Variants in LRP1B observed in about 807,000 individuals in gnomAD.
LRP1B encodes LDL receptor related protein 1B.
A neutral mutation model predicts 556.6 loss-of-function variants in LRP1B; 217 were observed. The ratio of observed to expected loss-of-function variants is 0.39; its 90% CI spans 0.35 to 0.44. LRP1B has a LOEUF of 0.44. Ranked by LOEUF, LRP1B falls within the 20% of genes least tolerant of loss-of-function variation. The pLI, the probability that LRP1B is intolerant of heterozygous loss-of-function variation, is 1.00. For missense variants in LRP1B, 5,053 were observed against 5,620.8 expected (o/e 0.90, Z 3.23); for synonymous variants, 2,047 against 1,865.8 (o/e 1.10, Z -2.50).
chr2:140,826,566 T>G (rs531688761), intron 31 of LRP1B, among the ~76,000 whole-genome samples: 1 of 152,098 alleles, frequency 6.6e-6, no homozygotes, highest in East Asian at 1.9e-4. Context: ...CATAGAGAAG[T>G]GAAAAACTCT....
chr2:141,559,806 T>C (rs1686082850), intron 2 of LRP1B, among the ~76,000 whole-genome samples: 1 of 151,676 alleles, frequency 6.6e-6, no homozygotes, highest in Non-Finnish European at 1.5e-5. Context: ...GAAAAATACA[T>C]TTTCCTACTT....
chr2:142,057,600 AC>A (rs1704724288), intron 1 of LRP1B, among the ~76,000 whole-genome samples: 1 of 152,136 alleles, frequency 6.6e-6, no homozygotes, highest in Admixed American at 6.6e-5. Flanking sequence ...TCTGTGTTTC[AC>A]CCCTAGTACG....
chr2:141,115,684 G>A (rs779578946), intron 7 of LRP1B, among the ~76,000 whole-genome samples: 10 of 151,046 alleles, frequency 6.6e-5, no homozygotes, highest in African/African-American at 1.7e-4. Flanking sequence ...GGTTTTTGCC[G>A]TGTTAGCCAG....
chr2:141,156,942 C>T (rs1274567882), intron 7 of LRP1B, among the ~76,000 whole-genome samples: 1 of 152,082 alleles, frequency 6.6e-6, no homozygotes, highest in African/African-American at 2.4e-5. Context: ...TCAGAATACT[C>T]AGCAGAACAC....
chr2:141,849,955 C>T (rs556305070), intron 1 of LRP1B, among the ~76,000 whole-genome samples: 53 of 151,762 alleles, frequency 3.5e-4, no homozygotes, highest in African/African-American at 1.3e-3. Context: ...TAATGTTTCA[C>T]ATGCTTTTTA....
At chr2:141,331,522 C>CTCTTTCTTTCTTTCTTTCTT (rs71213744) in intron 3 of LRP1B, among the ~76,000 whole-genome samples, 5,231 of 140,700 alleles carry the variant, frequency 0.037, 145 homozygotes, top group Admixed American at 0.041. Context: ...TTCTTTCTTT[C>CTCTTTCTTTCTTTCTTTCTT]TCTTTCTTTC....
intron 2 of LRP1B, among the ~76,000 whole-genome samples, chr2:141,591,852 C>A (rs62166489): frequency 6.6e-6 from 1 of 152,016 alleles, no homozygotes; most frequent in African/African-American, 2.4e-5. Flanking sequence ...TGTTATTTAG[C>A]CAGCTCTACA....
At chr2:141,937,649 C>T (rs565469099) in intron 1 of LRP1B, among the ~76,000 whole-genome samples, 95 of 151,162 alleles carry the variant, frequency 6.3e-4, no homozygotes, top group African/African-American at 2.1e-3. Context: ...ATAAAAAAAA[C>T]CATGGTGCAC....
intron 2 of LRP1B, among the ~76,000 whole-genome samples, chr2:141,577,140 T>C (rs1391683062): frequency 6.6e-6 from 1 of 152,214 alleles, no homozygotes; most frequent in African/African-American, 2.4e-5. Flanking sequence ...GATTTTTAAA[T>C]ATATTTTCAA....
At chr2:141,340,249 A>G (rs1688008905) in intron 3 of LRP1B, among the ~76,000 whole-genome samples, 2 of 152,212 alleles carry the variant, frequency 1.3e-5, no homozygotes, top group Non-Finnish European at 2.9e-5. Context: ...ATTACTTGCA[A>G]TTTGGTAGCC....
chr2:140,411,448 A>G (rs112291454), intron 66 of LRP1B, among the ~76,000 whole-genome samples: 2 of 152,224 alleles, frequency 1.3e-5, no homozygotes, highest in African/African-American at 4.8e-5. Context: ...TGTTACATAA[A>G]CTATATTCAA....
intron 2 of LRP1B, among the ~76,000 whole-genome samples, chr2:141,661,622 G>A (rs2105396524): frequency 6.6e-6 from 1 of 152,208 alleles, no homozygotes; most frequent in South Asian, 2.1e-4. Context: ...AAGCAGACAA[G>A]ATTACAGAAA....
chr2:141,151,697 G>A (rs2105084706), intron 7 of LRP1B, among the ~76,000 whole-genome samples: 1 of 152,190 alleles, frequency 6.6e-6, no homozygotes, highest in Admixed American at 6.6e-5. Context: ...TCTCGAGCTA[G>A]TATTAGATCA....
intron 2 of LRP1B, among the ~76,000 whole-genome samples, chr2:141,759,046 C>T (rs7573777): frequency 0.21 from 31,490 of 151,830 alleles, 3,389 homozygotes; most frequent in African/African-American, 0.23. Context: ...GAAAAAAATG[C>T]AAAAGTCATT....
intron 1 of LRP1B, among the ~76,000 whole-genome samples, chr2:142,111,556 T>A (rs540905258): frequency 2.6e-5 from 4 of 152,288 alleles, no homozygotes; most frequent in Admixed American, 2.6e-4. Context: ...AACTTCTTTA[T>A]TGGATTTTTA....
intron 3 of LRP1B, among the ~76,000 whole-genome samples, chr2:141,331,811 G>A (rs560609401): frequency 1.1e-3 from 175 of 152,190 alleles, no homozygotes; most frequent in African/African-American, 3.8e-3. Flanking sequence ...ATTGAGATAT[G>A]AAGAAATGTG....
chr2:140,325,987 A>C, intron 79 of LRP1B, 109 bp from the exon 80 acceptor site: 2 of 679,704 alleles, frequency 2.9e-6, no homozygotes, highest in Non-Finnish European at 5.1e-6. Context: ...GTCTTCAAGC[A>C]TCATAGAAAT....
chr2:141,903,329 G>A (rs1269638872), intron 1 of LRP1B, among the ~76,000 whole-genome samples: 1 of 151,850 alleles, frequency 6.6e-6, no homozygotes, highest in East Asian at 1.9e-4. Flanking sequence ...TGTGCAACAA[G>A]CCATTGTTAA....
rs1421415445 is a variant in LRP1B, at chr2:140,241,316, A to G, written c.13325-1784T>C. On this transcript the variant is annotated intron_variant, in intron 87 of 90. Coordinates refer to ENST00000389484, the MANE Select transcript of LRP1B (RefSeq NM_018557.3). ...GAACAGCTTGGTTTCTTCAAAAACTATGACTTCAACTGCTTGATCATGATT... is the reference window on the plus strand; with the variant it reads ...GAACAGCTTGGTTTCTTCAAAAACTGTGACTTCAACTGCTTGATCATGATT... Among the ~76,000 whole-genome samples the G allele has an allele frequency of 3.3e-5, 5 of 150,878 alleles. No individual in the cohort carries two copies. In the South Asian group the frequency reaches 8.3e-4, roughly 25 times the overall value.
Sources: gnomAD v4.1 joint callset for allele counts (sites outside exome capture counted in the v4.1 genomes callset) on GRCh38, gnomAD v4.1.1 for gene constraint, MANE v1.5 for transcripts, NCBI Gene and HGNC (gene_info 2026-07-23, HGNC 2026-07-21) for gene names.